The following MGMT variants were observed in gnomAD, a reference collection of about 807,000 sequenced individuals.
The protein encoded by MGMT is methylated-DNA--protein-cysteine methyltransferase.
MGMT carries 14 observed loss-of-function variants against 15.9 expected under a neutral mutation model. The observed-to-expected ratio is 0.88, with a 90% CI of 0.58 to 1.37. The LOEUF (loss-of-function observed/expected upper bound fraction) is 1.37. MGMT is among the 40% of genes most tolerant of loss of function. The probability of loss-of-function intolerance (pLI) is 0.00; values close to 1 mark genes in which losing one functional copy is unlikely to be tolerated. For missense variants in MGMT, 282 were observed against 268.1 expected, an observed-to-expected ratio of 1.05 and a Z score of -0.36; for synonymous variants, 130 against 118.2, an observed-to-expected ratio of 1.10 and a Z score of -0.65.
chr10:129,677,601 C>G (rs549023178), intron 2 of MGMT, among the ~76,000 whole-genome samples: 1 of 152,332 alleles, frequency 6.6e-6, no homozygotes, highest in South Asian at 2.1e-4. Context: ...AGTGCCTCTG[C>G]CCCCACCATG....
intron 2 of MGMT, among the ~76,000 whole-genome samples, chr10:129,586,208 G>C (rs887148964): frequency 6.6e-6 from 1 of 152,162 alleles, no homozygotes; most frequent in African/African-American, 2.4e-5. Flanking sequence ...AAGTAAAACT[G>C]TGGATAAAGG....
chr10:129,625,398 A>T (rs1847135115), intron 2 of MGMT, among the ~76,000 whole-genome samples: 2 of 152,236 alleles, frequency 1.3e-5, no homozygotes, highest in Non-Finnish European at 2.9e-5. Context: ...AGATGCCAAG[A>T]TGTGTCAAGG....
At chr10:129,698,430 A>G (rs2133133540) in intron 2 of MGMT, among the ~76,000 whole-genome samples, 1 of 152,232 alleles carries the variant, frequency 6.6e-6, no homozygotes, top group South Asian at 2.1e-4. Flanking sequence ...AGAAATAGCT[A>G]CTCTGTGCAA....
At chr10:129,480,423 T>C (rs1845344905) in intron 1 of MGMT, among the ~76,000 whole-genome samples, 1 of 152,200 alleles carries the variant, frequency 6.6e-6, no homozygotes, top group African/African-American at 2.4e-5. Flanking sequence ...CTGTGGAAAA[T>C]GTTGCTTCAT....
chr10:129,537,430 T>C (rs1427314265), intron 2 of MGMT, among the ~76,000 whole-genome samples: 1 of 151,902 alleles, frequency 6.6e-6, no homozygotes, highest in Non-Finnish European at 1.5e-5. Context: ...AATATACTCT[T>C]TTCAGTTTCT....
intron 2 of MGMT, among the ~76,000 whole-genome samples, chr10:129,545,886 G>A (rs889690665): frequency 1.3e-5 from 2 of 152,194 alleles, no homozygotes; most frequent in Non-Finnish European, 2.9e-5. Flanking sequence ...AATTAGATCA[G>A]CTCCTTGATA....
intron 3 of MGMT, among the ~76,000 whole-genome samples, chr10:129,748,440 G>A (rs556579425): frequency 2.6e-5 from 4 of 152,228 alleles, no homozygotes; most frequent in Admixed American, 6.5e-5. Flanking sequence ...TTTGGAGTGT[G>A]TCCTGACTTT....
chr10:129,743,009 G>A (rs1185776128), intron 3 of MGMT, among the ~76,000 whole-genome samples: 3 of 152,286 alleles, frequency 2.0e-5, no homozygotes, highest in Admixed American at 6.5e-5. Flanking sequence ...ATAAAAAAAC[G>A]GAGCCATGCC....
chr10:129,620,362 G>A (rs773287191), intron 2 of MGMT, among the ~76,000 whole-genome samples: 4 of 152,182 alleles, frequency 2.6e-5, no homozygotes, highest in South Asian at 2.1e-4. Context: ...TTGTTTTGGC[G>A]TGTTGTGCAG....
At chr10:129,754,085 T>G (rs1327464870) in intron 3 of MGMT, among the ~76,000 whole-genome samples, 1 of 152,208 alleles carries the variant, frequency 6.6e-6, no homozygotes, top group Non-Finnish European at 1.5e-5. Context: ...TGCCGAATTC[T>G]TACAGCAGTT....
chr10:129,580,577 C>T (rs1846540657), intron 2 of MGMT, among the ~76,000 whole-genome samples: 1 of 152,168 alleles, frequency 6.6e-6, no homozygotes, highest in South Asian at 2.1e-4. Flanking sequence ...AGACCTGGCT[C>T]CTGAGAGGCA....
intron 2 of MGMT, among the ~76,000 whole-genome samples, chr10:129,706,013 T>C (rs1287971478): frequency 6.6e-6 from 1 of 152,170 alleles, no homozygotes; most frequent in South Asian, 2.1e-4. Flanking sequence ...CCCTGCACCA[T>C]TGCCATGTTC....
chr10:129,740,649 C>G (rs1444783538), intron 3 of MGMT, among the ~76,000 whole-genome samples: 1 of 152,136 alleles, frequency 6.6e-6, no homozygotes, highest in East Asian at 1.9e-4. Context: ...CAGCTGTGGA[C>G]ATTTTGTGGT....
At chr10:129,605,442 C>T in intron 2 of MGMT, among the ~76,000 whole-genome samples, 1 of 152,132 alleles carries the variant, frequency 6.6e-6, no homozygotes, top group East Asian at 1.9e-4. Flanking sequence ...TCATTTCTGA[C>T]TTCCGTGTGC....
chr10:129,706,691 T>C (rs1002135279), intron 2 of MGMT, among the ~76,000 whole-genome samples: 1 of 151,492 alleles, frequency 6.6e-6, no homozygotes, highest in African/African-American at 2.4e-5. Flanking sequence ...CCCACGGGGG[T>C]CCACAGCACT....
chr10:129,724,686 G>A (rs1407443905), intron 3 of MGMT, among the ~76,000 whole-genome samples: 1 of 152,104 alleles, frequency 6.6e-6, no homozygotes, highest in East Asian at 1.9e-4. Flanking sequence ...GATATGGGGT[G>A]GAGAGATGGA....
intron 2 of MGMT, among the ~76,000 whole-genome samples, chr10:129,656,440 G>T (rs1589918697): frequency 1.3e-5 from 2 of 152,166 alleles, no homozygotes; most frequent in Admixed American, 1.3e-4. Context: ...AGCAGCATCG[G>T]CATGTCCTTT....
At chr10:129,737,662 G>GT (rs1174507634) in intron 3 of MGMT, among the ~76,000 whole-genome samples, 1 of 152,192 alleles carries the variant, frequency 6.6e-6, no homozygotes, top group South Asian at 2.1e-4. Context: ...TTTCTGCTCT[G>GT]TTTTTTCCCC....
In MGMT at chr10:129,467,831, G is replaced by T. The variant is rs902690119; in HGVS notation, c.-13+535G>T. Among the ~76,000 whole-genome samples, 5 of 152,176 alleles carry T rather than the reference G, an allele frequency of 3.3e-5. 1 individual carries two copies. The highest frequency in any genetic ancestry group is 4.1e-4 in the South Asian group (2 of 4,820). On this transcript the variant is annotated intron_variant, in intron 1 of 4. Coordinates refer to ENST00000651593, the MANE Select transcript of MGMT (RefSeq NM_002412.5). ...TCAACACTTAGAGTAAGCAAGGCTC[G>T]CTGGAGAGCCACACACACTGGGCAC...
Sources: allele counts gnomAD v4.1 joint callset (sites outside exome capture counted in the v4.1 genomes callset), GRCh38; gene constraint gnomAD v4.1.1; transcripts MANE v1.5; gene names NCBI Gene and HGNC (gene_info 2026-07-23, HGNC 2026-07-21).